CPNE8: variants seen among roughly 807,000 people sequenced by gnomAD.
CPNE8 encodes copine-8.
CPNE8 carries 45 observed loss-of-function variants against 81.5 expected under a neutral mutation model. The observed-to-expected ratio is 0.55, with a 90% CI of 0.44 to 0.71. The LOEUF is 0.71. Ranked by LOEUF, CPNE8 falls within the 30% of genes least tolerant of loss-of-function variation. The pLI is 0.00. For synonymous variants in CPNE8, 252 were observed against 226.3 expected (o/e 1.11, Z -1.02); for missense variants, 594 against 672.1 (o/e 0.88, Z 1.28).
intron 6 of CPNE8, among the ~76,000 whole-genome samples, chr12:38,799,252 T>G (rs1942591558): frequency 6.6e-6 from 1 of 152,012 alleles, no homozygotes; most frequent in South Asian, 2.1e-4. Flanking sequence ...ATACATTTTT[T>G]TCAGCACACC....
At position 38,653,628 on chromosome 12, in the gene CPNE8, AG is replaced by A. The variant is rs975645951; in HGVS notation, c.*253del. On this transcript the variant is annotated 3_prime_UTR_variant, in exon 20 of 20. Coordinates refer to ENST00000331366, the MANE Select transcript of CPNE8 (RefSeq NM_153634.3). Reference sequence around the variant, plus strand: ...TTAGCTGTTTCTGTTAAAAAAAAAAAGAAAGAAAGATTTAGAGAAGACATCC... The same window carrying A: ...TTAGCTGTTTCTGTTAAAAAAAAAAAAAAGAAAGATTTAGAGAAGACATCC... 14 of 294,230 alleles carry A rather than the reference AG, an allele frequency of 4.8e-5. No individual in the cohort carries two copies. The highest frequency in any genetic ancestry group is 2.1e-4 in the South Asian group (2 of 9,448). 18.2% of individuals were successfully genotyped at this position (294,230 alleles called of 1,614,324 possible). A position where few individuals can be genotyped will look rare whatever the true frequency, so the allele number is the denominator to read the frequency against.
At chr12:38,782,218 C>T (rs189777766) in intron 6 of CPNE8, among the ~76,000 whole-genome samples, 2 of 152,014 alleles carry the variant, frequency 1.3e-5, no homozygotes, top group South Asian at 2.1e-4. Flanking sequence ...TTCTAAAATA[C>T]AAAGTTTATT....
At chr12:38,854,769 C>G (rs1271627391) in intron 3 of CPNE8, among the ~76,000 whole-genome samples, 1 of 152,024 alleles carries the variant, frequency 6.6e-6, no homozygotes, top group Non-Finnish European at 1.5e-5. Flanking sequence ...GAATATACCT[C>G]TATACAATAA....
chr12:38,797,826 A>G (rs1037939078), intron 6 of CPNE8, among the ~76,000 whole-genome samples: 2 of 152,180 alleles, frequency 1.3e-5, no homozygotes, highest in African/African-American at 2.4e-5. Flanking sequence ...ATGTATAACT[A>G]GAATAACCAA....
Position 38,654,074 on chromosome 12 carries a change from A to C in CPNE8, c.1507-4T>G, listed in dbSNP as rs556037698. 3 of 1,580,752 alleles carry C rather than the reference A, an allele frequency of 1.9e-6. No homozygotes were observed. Among genetic ancestry groups the C allele is most frequent in the African/African-American group, 2.7e-5 (2 of 73,550 alleles). On this transcript the variant is annotated splice_polypyrimidine_tract_variant and splice_region_variant and intron_variant, in intron 19 of 19. Coordinates refer to ENST00000331366, the MANE Select transcript of CPNE8 (RefSeq NM_153634.3). ...TATAATCCCTGAATGGCACAAACTA[A>C]AACAGAGACGAAAGAAAGTTATTTC...
intron 6 of CPNE8, among the ~76,000 whole-genome samples, chr12:38,796,898 C>T (rs566175979): frequency 6.0e-4 from 91 of 152,224 alleles, no homozygotes; most frequent in African/African-American, 1.6e-3. Context: ...GATTATATCC[C>T]GCACATGGCT....
chr12:38,881,328 A>T (rs1944155268), intron 1 of CPNE8, among the ~76,000 whole-genome samples: 1 of 152,228 alleles, frequency 6.6e-6, no homozygotes. Context: ...ACTTAACAAG[A>T]TTATCTGGCT....
At chr12:38,793,088 G>T (rs1328072924) in intron 6 of CPNE8, among the ~76,000 whole-genome samples, 7 of 151,664 alleles carry the variant, frequency 4.6e-5, no homozygotes, top group African/African-American at 1.7e-4. Context: ...TATAAAAAAG[G>T]TGGTATATGA....
Position 38,758,943 on chromosome 12 carries a change from T to C in CPNE8, c.722+1904A>G, listed in dbSNP as rs147609420. ...CAGCAAATTTAGGATTGAACGTCTA[T>C]GGATGTGGATGAAACCTAAATTTAT... On this transcript the variant is annotated intron_variant, in intron 10 of 19. Transcript: ENST00000331366. Among the ~76,000 whole-genome samples, 898 of 152,308 alleles carry C rather than the reference T, an allele frequency of 5.9e-3. 5 individuals carry two copies. Among genetic ancestry groups the C allele is most frequent in the Middle Eastern group, 0.01 (3 of 294 alleles).
chr12:38,660,373 C>T (rs1938926066), intron 19 of CPNE8, among the ~76,000 whole-genome samples: 1 of 152,116 alleles, frequency 6.6e-6, no homozygotes, highest in African/African-American at 2.4e-5. Flanking sequence ...GAAAGGATTC[C>T]CTATTTAATA....
rs78362006 is a variant in CPNE8 at position 38,866,178 on chromosome 12, C to T, written c.186+6826G>A. On this transcript the variant is annotated intron_variant, in intron 3 of 19. Coordinates refer to ENST00000331366, the MANE Select transcript of CPNE8 (RefSeq NM_153634.3). Reference sequence around the variant, plus strand: ...TGGCTTTACTAAGTTCTTTCAACCACATGTCACACAACTGTTTTTACAAGA... The same window carrying T: ...TGGCTTTACTAAGTTCTTTCAACCATATGTCACACAACTGTTTTTACAAGA... 5.6e-4 allele frequency among the ~76,000 whole-genome samples: 85 copies of T among 152,330 alleles called. No individual in the cohort carries two copies. The East Asian group carries it at 0.016, about 29-fold the overall frequency.
At chr12:38,828,181 T>A (rs1460904291) in intron 6 of CPNE8, among the ~76,000 whole-genome samples, 4 of 152,210 alleles carry the variant, frequency 2.6e-5, no homozygotes, top group Non-Finnish European at 5.9e-5. Context: ...TAGGAATCCT[T>A]GTGAGCATAA....
At chr12:38,885,228 A>C (rs1207985467) in intron 1 of CPNE8, among the ~76,000 whole-genome samples, 1 of 152,214 alleles carries the variant, frequency 6.6e-6, no homozygotes, top group African/African-American at 2.4e-5. Flanking sequence ...CATATATCAT[A>C]TACAAGAATG....
At chr12:38,684,467 T>C (rs1939487429) in intron 16 of CPNE8, among the ~76,000 whole-genome samples, 1 of 152,052 alleles carries the variant, frequency 6.6e-6, no homozygotes, top group South Asian at 2.1e-4. Context: ...GATGATTTTG[T>C]CCGAAAAATT....
At chr12:38,696,048 T>C (rs540599815) in intron 14 of CPNE8, among the ~76,000 whole-genome samples, 1 of 152,316 alleles carries the variant, frequency 6.6e-6, no homozygotes, top group East Asian at 1.9e-4. Flanking sequence ...ATACTTTTAC[T>C]TCACTATGAA....
At chr12:38,879,505 A>G (rs1944119033) in intron 1 of CPNE8, among the ~76,000 whole-genome samples, 1 of 152,174 alleles carries the variant, frequency 6.6e-6, no homozygotes, top group African/African-American at 2.4e-5. Flanking sequence ...TAAGGATTTA[A>G]TAGTAGAAAA....
chr12:38,687,139 C>T (rs1417256867), intron 15 of CPNE8, among the ~76,000 whole-genome samples: 2 of 152,038 alleles, frequency 1.3e-5, no homozygotes, highest in African/African-American at 4.8e-5. Flanking sequence ...TTATTGAATT[C>T]TATATACCAA....
chr12:38,660,948 C>T (rs2653757), intron 19 of CPNE8, among the ~76,000 whole-genome samples: 111,703 of 152,054 alleles, frequency 0.73, 46,891 homozygotes, highest in Non-Finnish European at 0.94. Flanking sequence ...CATTAAAAAG[C>T]CAGGAAACAA....
chr12:38,720,466 A>G (rs1187197650), intron 13 of CPNE8, among the ~76,000 whole-genome samples: 1 of 152,230 alleles, frequency 6.6e-6, no homozygotes, highest in Non-Finnish European at 1.5e-5. Context: ...GATATCTGTT[A>G]TATATACACA....
Sources: allele counts gnomAD v4.1 joint callset (sites outside exome capture counted in the v4.1 genomes callset), GRCh38; gene constraint gnomAD v4.1.1; transcripts MANE v1.5; gene names NCBI Gene and HGNC (gene_info 2026-07-23, HGNC 2026-07-21).